The following DCLRE1B variants were observed in gnomAD, a reference collection of about 807,000 sequenced individuals.
The protein encoded by DCLRE1B is DNA cross-link repair 1B.
DCLRE1B carries 6 observed loss-of-function variants against 19.8 expected under a neutral mutation model. That is an observed-to-expected ratio of 0.30 (90% CI 0.17 to 0.60). The LOEUF is 0.60. Among genes scored for constraint, DCLRE1B ranks in the 20% least tolerant of loss-of-function variants. The probability of loss-of-function intolerance (pLI) is 0.87; values close to 1 mark genes in which losing one functional copy is unlikely to be tolerated. For synonymous variants in DCLRE1B, 258 were observed against 255.7 expected (o/e 1.01, Z -0.09); for missense variants, 622 against 654.2 (o/e 0.95, Z 0.54).
In DCLRE1B at chr1:113,911,745, C is replaced by T; in HGVS notation, c.1153C>T (p.Leu385Phe). Residue 385 changes from leucine to phenylalanine, a missense_variant, in exon 4 of 4, where the codon CTT becomes TTT. Around this residue, in one of 3 missense-constraint regions of DCLRE1B, gnomAD observed 382 missense variants for 412.5 expected, o/e 0.93. Coordinates refer to ENST00000650450, the MANE Select transcript of DCLRE1B (RefSeq NM_022836.4). ...KEKLSPWPAD[L>F]EKQPSHHPLR... is the part of the protein sequence containing the mutation. ...GAAACTTTCTCCCTGGCCTGCGGACCTTGAAAAGCAGCCTTCCCACCATCC... is the reference window on the plus strand; with the variant it reads ...GAAACTTTCTCCCTGGCCTGCGGACTTTGAAAAGCAGCCTTCCCACCATCC... The T allele has an allele frequency of 3.1e-6, 5 of 1,614,180 alleles. No individual in the cohort carries two copies. Among genetic ancestry groups the T allele is most frequent in the Admixed American group, 1.7e-5 (1 of 60,030 alleles).
chr1:113,907,592 C>T (rs1476362366), intron 2 of DCLRE1B, among the ~76,000 whole-genome samples: 1 of 152,106 alleles, frequency 6.6e-6, no homozygotes, highest in African/African-American at 2.4e-5. Context: ...GCCTCAGCCT[C>T]CCAAGTAGCT....
chr1:113,907,725 C>T (rs1029705850), intron 2 of DCLRE1B, among the ~76,000 whole-genome samples: 8 of 152,132 alleles, frequency 5.3e-5, no homozygotes, highest in African/African-American at 1.4e-4. Context: ...CCACCTGGCT[C>T]GGCCCCCCAA....
rs1471084328 is a variant in DCLRE1B, at chr1:113,913,861, A to G, written c.*1670A>G. 6.6e-6 allele frequency: 1 copy of G among 152,110 alleles called. No individual in the cohort carries two copies. Among genetic ancestry groups the G allele is most frequent in the Non-Finnish European group, 1.5e-5 (1 of 68,008 alleles). The allele number at this position is 152,110 out of a possible 1,614,324, so 9.4% of individuals were successfully genotyped here. Reference sequence around the variant, plus strand: ...GCATGTAGATGTATTAAATATGTAAATGTTTTTCAAAGTTGAGGTAATATT... The same window carrying G: ...GCATGTAGATGTATTAAATATGTAAGTGTTTTTCAAAGTTGAGGTAATATT... On this transcript the variant is annotated 3_prime_UTR_variant, in exon 4 of 4. Coordinates refer to ENST00000650450, the MANE Select transcript of DCLRE1B (RefSeq NM_022836.4).
At chr1:113,908,258 C>A in intron 3 of DCLRE1B, 67 bp downstream of exon 3, 2 of 1,550,162 alleles carry the variant, frequency 1.3e-6, no homozygotes, top group Non-Finnish European at 1.7e-6. Context: ...AGGATTCTCA[C>A]ATCTTTCAGA....
At chr1:113,906,147 C>G (rs1030666277) in intron 1 of DCLRE1B, among the ~76,000 whole-genome samples, 73 of 146,690 alleles carry the variant, frequency 5.0e-4, no homozygotes, top group Non-Finnish European at 8.9e-4. Flanking sequence ...GCCTCCGCCT[C>G]CCGGGTTCAA....
Position 113,911,551 on chromosome 1 carries a change from C to T in DCLRE1B, c.959C>T (p.Pro320Leu), listed in dbSNP as rs555348454. Reference protein sequence around the residue: ...LSPRISVPLIPDSVQQYMSSS... With the variant: ...LSPRISVPLILDSVQQYMSSS... ...CCCAGGATCTCCGTGCCCCTGATTC[C>T]GGACTCTGTACAGCAATACATGAGT... Residue 320 changes from proline to leucine, a missense_variant, in exon 4 of 4, where the codon CCG becomes CTG. This residue lies in a region of DCLRE1B where 382 missense variants were observed against 412.5 expected (regional missense o/e 0.93). Transcript: ENST00000650450. 8.7e-6 allele frequency: 14 copies of T among 1,612,066 alleles called. No individual in the cohort carries two copies. The highest frequency in any genetic ancestry group is 6.7e-5 in the East Asian group (3 of 44,862).
chr1:113,909,473 T>C (rs1162693677), intron 3 of DCLRE1B, among the ~76,000 whole-genome samples: 2 of 152,228 alleles, frequency 1.3e-5, no homozygotes, highest in African/African-American at 4.8e-5. Flanking sequence ...ATTATAAATA[T>C]TTGAAAAGGA....
Position 113,912,131 on chromosome 1 carries a change from G to C in DCLRE1B, c.1539G>C (p.Gln513His), listed in dbSNP as rs780380790. 6.2e-7 allele frequency: 1 copy of C among 1,614,148 alleles called. No homozygotes were observed. Among genetic ancestry groups the C allele is most frequent in the South Asian group, 1.1e-5 (1 of 91,080 alleles). Residue 513 changes from glutamine (Q) to histidine (H), a missense_variant, in exon 4 of 4, where the codon CAG becomes CAC. Around this residue, in one of 3 missense-constraint regions of DCLRE1B, gnomAD observed 382 missense variants for 412.5 expected, o/e 0.93. Transcript: ENST00000650450. The stretch of plus-strand genomic sequence containing the variant: ...TTCTGACTCCAGTGAACTTTTTCCA[G>C]GCAGGGTATTCTTCCAGGAGATTTG... ...KYLLTPVNFFQAGYSSRRFDQ... is the reference protein window; with the variant it reads ...KYLLTPVNFFHAGYSSRRFDQ...
In DCLRE1B at chr1:113,912,362, C is replaced by T. The variant is rs1312144604; in HGVS notation, c.*171C>T. 3 of 563,918 alleles carry T rather than the reference C, an allele frequency of 5.3e-6. No individual in the cohort carries two copies. Among genetic ancestry groups the T allele is most frequent in the Non-Finnish European group, 8.9e-6 (3 of 335,954 alleles). The allele number at this position is 563,918 out of a possible 1,614,324, so 34.9% of individuals were successfully genotyped here. On this transcript the variant is annotated 3_prime_UTR_variant, in exon 4 of 4. Coordinates refer to ENST00000650450, the MANE Select transcript of DCLRE1B (RefSeq NM_022836.4). ...CCCAAAACTTGTTCACTGGGGTCCTCGTGCCTATGGAATCCTTCTTTTTAT... is the reference window on the plus strand; with the variant it reads ...CCCAAAACTTGTTCACTGGGGTCCTTGTGCCTATGGAATCCTTCTTTTTAT...
chr1:113,912,035 T>G lies in DCLRE1B; in HGVS notation c.1443T>G (p.Ser481=). The change falls in exon 4 of 4, where the codon TCT becomes TCG. Residue 481 remains serine (S), a synonymous_variant. Coordinates refer to ENST00000650450, the MANE Select transcript of DCLRE1B (RefSeq NM_022836.4). ...AGAGTGCCTGGATGGGCCATGGTTC[T>G]CCCCTGTCCCACAGCAGCAAGGGCA... is the stretch of plus-strand genomic sequence containing the variant. The part of the protein sequence containing the change: ...GNQSAWMGHG[S]PLSHSSKGTP... 1 of 1,614,202 alleles carries G rather than the reference T, an allele frequency of 6.2e-7. No individual in the cohort carries two copies. The highest frequency in any genetic ancestry group is 1.1e-5 in the South Asian group (1 of 91,084).
chr1:113,912,693 G>A lies in DCLRE1B; in HGVS notation c.*502G>A, dbSNP rs1669311787. 1.3e-5 allele frequency: 2 copies of A among 152,672 alleles called. No individual in the cohort carries two copies. The highest frequency in any genetic ancestry group is 2.1e-4 in the South Asian group (1 of 4,838). The allele number at this position is 152,672 out of a possible 1,614,324, so 9.5% of individuals were successfully genotyped here. A position where few individuals can be genotyped will look rare whatever the true frequency, so the allele number is the denominator to read the frequency against. On this transcript the variant is annotated 3_prime_UTR_variant, in exon 4 of 4. Coordinates refer to ENST00000650450, the MANE Select transcript of DCLRE1B (RefSeq NM_022836.4). ...TATTTTTAAAATTATGAACTATGGCGCTGCATGCTTCAATCCTGAACGTCA... is the reference window on the plus strand; with the variant it reads ...TATTTTTAAAATTATGAACTATGGCACTGCATGCTTCAATCCTGAACGTCA...
At chr1:113,907,216 T>TTG (rs1031548201) in intron 2 of DCLRE1B, 55 bp downstream of exon 2, 1 of 1,174,278 alleles carries the variant, frequency 8.5e-7, no homozygotes, top group Non-Finnish European at 1.1e-6. Flanking sequence ...TTTTTTTTTT[T>TTG]TTTTTTTTTT....
chr1:113,910,141 G>C (rs1446233877), intron 3 of DCLRE1B, among the ~76,000 whole-genome samples: 1 of 152,116 alleles, frequency 6.6e-6, no homozygotes, highest in African/African-American at 2.4e-5. Context: ...CATCCTGGCA[G>C]TCAAATAATA....
chr1:113,908,343 C>A, intron 3 of DCLRE1B, 152 bp downstream of exon 3: 1 of 1,084,954 alleles, frequency 9.2e-7, no homozygotes, highest in Non-Finnish European at 1.3e-6. Context: ...TGTGGTGGTT[C>A]ATGCCTATAA....
chr1:113,907,202 A>ATTTTTTT (rs756672653), intron 2 of DCLRE1B, 41 bp downstream of exon 2: 24 of 203,186 alleles, frequency 1.2e-4, no homozygotes, highest in African/African-American at 6.2e-4. Flanking sequence ...TCCAGACTAG[A>ATTTTTTT]TGTTTTTTTT....
Position 113,911,635 on chromosome 1 carries a change from G to A in DCLRE1B, c.1043G>A (p.Arg348Lys). 1.9e-6 allele frequency: 3 copies of A among 1,601,792 alleles called. No individual in the cohort carries two copies. The highest frequency in any genetic ancestry group is 2.6e-6 in the Non-Finnish European group (3 of 1,173,938). Residue 348 changes from arginine to lysine, a missense_variant, in exon 4 of 4, where the codon AGA becomes AAA. This residue lies in a region of DCLRE1B where 382 missense variants were observed against 412.5 expected (regional missense o/e 0.93). Transcript: ENST00000650450. ...WLLERRLKRP[R>K]TQGVVFESPE... ...TTAGAAAGGAGGCTAAAGAGGCCGAGAACCCAAGGTGTTGTGTTTGAATCC... is the reference window on the plus strand; with the variant it reads ...TTAGAAAGGAGGCTAAAGAGGCCGAAAACCCAAGGTGTTGTGTTTGAATCC...
intron 3 of DCLRE1B, 134 bp downstream of exon 3, chr1:113,908,325 T>G: frequency 1.7e-6 from 2 of 1,193,284 alleles, no homozygotes; most frequent in Non-Finnish European, 2.3e-6. Flanking sequence ...AATTGCAACC[T>G]GGCTAGGTGT....
Position 113,912,169 on chromosome 1 carries a change from A to G in DCLRE1B, c.1577A>G (p.Glu526Gly). The change falls in exon 4 of 4, where the codon GAA becomes GGA. Residue 526 changes from glutamate to glycine, a missense_variant. By Grantham distance (98) the Glu-to-Gly change is moderately conservative (BLOSUM62 -2). Coordinates refer to ENST00000650450, the MANE Select transcript of DCLRE1B (RefSeq NM_022836.4). ...YSSRRFDQQVEKYHKPC is the reference protein window; with the variant it reads ...YSSRRFDQQVGKYHKPC ...TCCAGGAGATTTGACCAGCAAGTGG[A>G]AAAATACCATAAACCCTGCTGAAGA... is the stretch of plus-strand genomic sequence containing the variant. The G allele has an allele frequency of 6.2e-7, 1 of 1,613,252 alleles. No individual in the cohort carries two copies. Among genetic ancestry groups the G allele is most frequent in the Non-Finnish European group, 8.5e-7 (1 of 1,179,772 alleles).
At position 113,905,642 on chromosome 1, in the gene DCLRE1B, G is replaced by A. The variant is rs1344696789; in HGVS notation, c.56G>A (p.Arg19His). The A allele has an allele frequency of 1.9e-6, 3 of 1,614,134 alleles. No individual in the cohort carries two copies. The Admixed American group carries it at 5.0e-5, about 27-fold the overall frequency. ...TPIAVDFWSL[R>H]RAGTARLFFL... ...ATCGCAGTGGACTTCTGGAGCCTGCGCCGGGCTGGCACCGCACGTCTCTTC... is the reference window on the plus strand; with the variant it reads ...ATCGCAGTGGACTTCTGGAGCCTGCACCGGGCTGGCACCGCACGTCTCTTC... The change falls in exon 1 of 4, where the codon CGC becomes CAC. Residue 19 changes from arginine to histidine, a missense_variant. By Grantham distance (29) the Arg-to-His change is conservative (BLOSUM62 0). Around this residue, in one of 3 missense-constraint regions of DCLRE1B, gnomAD observed 237 missense variants for 223.8 expected, o/e 1.06. Transcript: ENST00000650450.
Sources: allele counts gnomAD v4.1 joint callset (sites outside exome capture counted in the v4.1 genomes callset), GRCh38; gene constraint gnomAD v4.1.1; regional missense constraint gnomAD v4.1.1; transcripts MANE v1.5; gene names NCBI Gene and HGNC (gene_info 2026-07-23, HGNC 2026-07-21).